Variants in FBN1 observed in about 807,000 individuals in gnomAD.
FBN1 encodes fibrillin-1.
In FBN1, 29 loss-of-function variants were observed where a neutral mutation model predicts 365.1. The observed-to-expected ratio is 0.08, with a 90% CI of 0.06 to 0.11. FBN1 has a LOEUF of 0.11. Among genes scored for constraint, FBN1 ranks in the 10% least tolerant of loss-of-function variants. The pLI, the probability that FBN1 is intolerant of heterozygous loss-of-function variation, is 1.00. For synonymous variants in FBN1, 1,210 were observed against 1,270.5 expected (o/e 0.95, Z 1.01); for missense variants, 2,476 against 3,703.2 (o/e 0.67, Z 8.60).
At chr15:48,469,095 A>AT (rs2043348065) in intron 36 of FBN1, among the ~76,000 whole-genome samples, 1 of 102,320 alleles carries the variant, frequency 9.8e-6, no homozygotes, top group African/African-American at 4.2e-5. Flanking sequence ...TATATATATA[A>AT]AATATAATAT....
At chr15:48,587,766 T>C (rs1435396864) in intron 6 of FBN1, among the ~76,000 whole-genome samples, 6 of 152,312 alleles carry the variant, frequency 3.9e-5, no homozygotes, top group Non-Finnish European at 8.8e-5. Context: ...GATTCTATCA[T>C]CATGCCTAGC....
intron 54 of FBN1, among the ~76,000 whole-genome samples, chr15:48,433,963 G>C (rs1319355748): frequency 1.3e-5 from 2 of 152,158 alleles, no homozygotes; most frequent in Non-Finnish European, 2.9e-5. Flanking sequence ...TGATTTAGGA[G>C]GTCTTGGATG....
intron 24 of FBN1, among the ~76,000 whole-genome samples, chr15:48,491,354 C>CTTTTT (rs906446030): frequency 7.0e-6 from 1 of 142,796 alleles, no homozygotes; most frequent in Non-Finnish European, 1.5e-5. Flanking sequence ...TTTTTCTTTT[C>CTTTTT]TTTTTTTTTT....
intron 7 of FBN1, among the ~76,000 whole-genome samples, chr15:48,534,541 A>G (rs1335968104): frequency 6.6e-6 from 1 of 152,218 alleles, no homozygotes; most frequent in East Asian, 1.9e-4. Flanking sequence ...GCCATTATTC[A>G]CGGCCTCATT....
chr15:48,421,082 C>CT lies in FBN1; in HGVS notation c.7700-277dup, dbSNP rs200409772. Among the ~76,000 whole-genome samples, 12,105 of 146,810 alleles carry CT rather than the reference C, an allele frequency of 0.082. 512 individuals are homozygous for CT. Among genetic ancestry groups the CT allele is most frequent in the Middle Eastern group, 0.13 (38 of 282 alleles). The stretch of plus-strand genomic sequence containing the variant: ...AAGTTATAAGTTATTTGTGTTTGCT[C>CT]TTTTTTTTTTTTATTTTTGGTGCCA... On this transcript the variant is annotated intron_variant, in intron 62 of 65. Transcript: ENST00000316623.
At chr15:48,421,925 T>C (rs1597513636) in intron 61 of FBN1, 27 bp downstream of exon 61, 8 of 1,475,498 alleles carry the variant, frequency 5.4e-6, no homozygotes, top group Non-Finnish European at 7.6e-6. Flanking sequence ...CTACAATCCA[T>C]GTAGGATTTT....
At chr15:48,525,772 T>A (rs2141342739) in intron 9 of FBN1, among the ~76,000 whole-genome samples, 1 of 152,148 alleles carries the variant, frequency 6.6e-6, no homozygotes, top group Admixed American at 6.5e-5. Context: ...ATTGAAAAAA[T>A]TCAGGCCAAA....
At chr15:48,534,811 A>G (rs1247439328) in intron 7 of FBN1, among the ~76,000 whole-genome samples, 2 of 152,150 alleles carry the variant, frequency 1.3e-5, no homozygotes, top group South Asian at 2.1e-4. Context: ...CCAAGAAGTG[A>G]GAGAGATTGT....
At chr15:48,554,601 G>T (rs970195197) in intron 6 of FBN1, among the ~76,000 whole-genome samples, 1 of 152,066 alleles carries the variant, frequency 6.6e-6, no homozygotes, top group African/African-American at 2.4e-5. Flanking sequence ...ATCCTAAATG[G>T]GTATCAGTCA....
chr15:48,495,250 C>T lies in FBN1; in HGVS notation c.2550G>A (p.Lys850=). The T allele has an allele frequency of 6.2e-7, 1 of 1,614,022 alleles. No individual in the cohort carries two copies. The highest frequency in any genetic ancestry group is 1.7e-5 in the Admixed American group (1 of 60,004). The change falls in exon 22 of 66, where the codon AAG becomes AAA. Residue 850 remains lysine (K), a synonymous_variant. Transcript: ENST00000316623. ...PTKTICIETI[K]GTCWQTVIDG... The stretch of plus-strand genomic sequence containing the variant: ...CAATGACAGTCTGCCAGCAAGTGCC[C>T]TTGATGGTTTCTGCAGAGGAGGGAA...
intron 6 of FBN1, among the ~76,000 whole-genome samples, chr15:48,543,923 G>A (rs1028773925): frequency 5.3e-5 from 8 of 151,788 alleles, no homozygotes; most frequent in African/African-American, 1.9e-4. Context: ...ATTCAGCAAT[G>A]TAAATAAATA....
At chr15:48,427,855 A>G (rs972516809) in intron 57 of FBN1, 82 bp from the exon 58 acceptor site, 8 of 1,294,408 alleles carry the variant, frequency 6.2e-6, no homozygotes, top group Admixed American at 5.8e-5. Flanking sequence ...TCAGATATAA[A>G]AACCAAAAAA....
intron 6 of FBN1, among the ~76,000 whole-genome samples, chr15:48,560,047 C>T (rs2044211795): frequency 6.6e-6 from 1 of 152,166 alleles, no homozygotes; most frequent in Admixed American, 6.5e-5. Flanking sequence ...CTCCTTTACT[C>T]ATGGGCCCAC....
chr15:48,448,939 T>C (rs1176791708), intron 45 of FBN1, 46 bp from the exon 46 acceptor site: 1 of 1,509,578 alleles, frequency 6.6e-7, no homozygotes, highest in Non-Finnish European at 9.2e-7. Context: ...AGACAAAATA[T>C]AATTGAATAA....
chr15:48,633,899 A>G (rs1890041358), intron 2 of FBN1, among the ~76,000 whole-genome samples: 1 of 152,178 alleles, frequency 6.6e-6, no homozygotes, highest in South Asian at 2.1e-4. Context: ...TACGAACCGG[A>G]GAGGAAAATA....
chr15:48,643,072 T>C (rs1337254395), intron 2 of FBN1: 1 of 152,184 alleles, frequency 6.6e-6, no homozygotes, highest in East Asian at 1.9e-4. Flanking sequence ...CAGAATTAAA[T>C]CCCCACGTCC....
At chr15:48,439,092 T>G (rs2043093842) in intron 50 of FBN1, among the ~76,000 whole-genome samples, 1 of 152,330 alleles carries the variant, frequency 6.6e-6, no homozygotes, top group East Asian at 1.9e-4. Context: ...CCAGCTTTTA[T>G]TTCATGACAA....
chr15:48,609,625 C>T (rs1011943051), intron 4 of FBN1, among the ~76,000 whole-genome samples: 1 of 152,202 alleles, frequency 6.6e-6, no homozygotes, highest in Non-Finnish European at 1.5e-5. Flanking sequence ...CTTATCCAAC[C>T]ACTCTCCATC....
At chr15:48,470,390 C>G (rs1340709532) in intron 36 of FBN1, among the ~76,000 whole-genome samples, 1 of 152,194 alleles carries the variant, frequency 6.6e-6, no homozygotes, top group Non-Finnish European at 1.5e-5. Context: ...TAGAACATTC[C>G]TTTGTAGCCA....
Sources: allele counts gnomAD v4.1 joint callset (sites outside exome capture counted in the v4.1 genomes callset), GRCh38; gene constraint gnomAD v4.1.1; transcripts MANE v1.5; gene names NCBI Gene and HGNC (gene_info 2026-07-23, HGNC 2026-07-21).